CHD9: variants seen among roughly 807,000 people sequenced by gnomAD.
The protein encoded by CHD9 is chromodomain helicase DNA binding protein 9.
A neutral mutation model predicts 316.1 loss-of-function variants in CHD9; 77 were observed. The observed-to-expected ratio is 0.24, with a 90% CI of 0.20 to 0.29. CHD9 has a LOEUF of 0.29. CHD9 is among the 10% of genes least tolerant of loss of function. The pLI is 1.00. For synonymous variants in CHD9, 1,129 were observed against 1,158.3 expected (o/e 0.97, Z 0.51); for missense variants, 2,763 against 3,438.1 (o/e 0.80, Z 4.91).
intron 34 of CHD9, among the ~76,000 whole-genome samples, chr16:53,312,943 C>G (rs2056589713): frequency 6.6e-6 from 1 of 152,108 alleles, no homozygotes; most frequent in African/African-American, 2.4e-5. Context: ...AGCATCTCAC[C>G]TTTAATAATA....
chr16:53,233,302 A>T (rs1327548420), intron 10 of CHD9, among the ~76,000 whole-genome samples: 2 of 152,190 alleles, frequency 1.3e-5, no homozygotes, highest in African/African-American at 2.4e-5. Flanking sequence ...TTACCGGTTT[A>T]TTCCTAAGGA....
intron 2 of CHD9, among the ~76,000 whole-genome samples, chr16:53,182,005 G>A (rs2043566612): frequency 6.6e-6 from 1 of 152,078 alleles, no homozygotes. Flanking sequence ...CTTGAACCTG[G>A]GAGACAGAGG....
intron 10 of CHD9, among the ~76,000 whole-genome samples, chr16:53,234,191 T>C (rs1190480666): frequency 6.6e-6 from 1 of 152,234 alleles, no homozygotes; most frequent in Non-Finnish European, 1.5e-5. Flanking sequence ...GTTTGCACAT[T>C]GATCTTGTAT....
chr16:53,198,769 G>A (rs2045178438), intron 2 of CHD9, among the ~76,000 whole-genome samples: 1 of 152,152 alleles, frequency 6.6e-6, no homozygotes, highest in Non-Finnish European at 1.5e-5. Flanking sequence ...TGTTAAAAAT[G>A]TATGTAGGAA....
intron 1 of CHD9, among the ~76,000 whole-genome samples, chr16:53,134,144 T>A (rs561806491): frequency 2.1e-4 from 32 of 152,220 alleles, no homozygotes; most frequent in African/African-American, 7.7e-4. Flanking sequence ...CATCGGGTAA[T>A]GAGTGAATAA....
intron 1 of CHD9, among the ~76,000 whole-genome samples, chr16:53,063,153 A>C (rs1216090144): frequency 6.6e-6 from 1 of 152,126 alleles, no homozygotes; most frequent in Non-Finnish European, 1.5e-5. Flanking sequence ...CAAATCATTC[A>C]ATTAATCCTC....
At chr16:53,179,189 A>G (rs933421619) in intron 2 of CHD9, among the ~76,000 whole-genome samples, 12 of 152,206 alleles carry the variant, frequency 7.9e-5, no homozygotes, top group Non-Finnish European at 1.5e-4. Flanking sequence ...ACCTCTAACT[A>G]TTTTATTAGA....
intron 1 of CHD9, among the ~76,000 whole-genome samples, chr16:53,055,606 T>G (rs2031990578): frequency 6.6e-6 from 1 of 152,042 alleles, no homozygotes; most frequent in African/African-American, 2.4e-5. Flanking sequence ...ACCCTTGATC[T>G]AAGGAGTTGG....
At chr16:53,317,425 T>C (rs917333068) in intron 36 of CHD9, among the ~76,000 whole-genome samples, 2 of 152,218 alleles carry the variant, frequency 1.3e-5, no homozygotes, top group African/African-American at 2.4e-5. Context: ...TTAATAGTTG[T>C]ATAGAGAAGT....
intron 1 of CHD9, among the ~76,000 whole-genome samples, chr16:53,154,793 C>T (rs985816828): frequency 4.6e-5 from 7 of 152,184 alleles, no homozygotes; most frequent in Non-Finnish European, 1.0e-4. Context: ...ACAGGCCACG[C>T]ACCCATTCCA....
At chr16:53,170,479 C>A (rs2042623703) in intron 2 of CHD9, among the ~76,000 whole-genome samples, 1 of 151,760 alleles carries the variant, frequency 6.6e-6, no homozygotes, top group South Asian at 2.1e-4. Context: ...TTGTAATTAC[C>A]CTGCCTTAGA....
chr16:53,149,257 G>A (rs532411309), intron 1 of CHD9, among the ~76,000 whole-genome samples: 96 of 152,272 alleles, frequency 6.3e-4, no homozygotes, highest in African/African-American at 2.3e-3. Flanking sequence ...GTCTGTATAT[G>A]TGTGTTAGGT....
intron 18 of CHD9, among the ~76,000 whole-genome samples, chr16:53,255,323 T>G (rs1054915610): frequency 2.2e-4 from 33 of 151,864 alleles, no homozygotes; most frequent in African/African-American, 3.4e-4. Context: ...AGAAAAAAAA[T>G]AAAAAATAAA....
rs994264257 is a variant in CHD9 at position 53,212,273 on chromosome 16, TG to T, written c.1784+2463del. ...AAACAAAATTAGCCAGGCGTGGTGG[TG>T]GGCACCTGTAGTGCCAGCTACTCGG... On this transcript the variant is annotated intron_variant, in intron 3 of 38. Transcript: ENST00000447540. 1.8e-3 allele frequency among the ~76,000 whole-genome samples: 271 copies of T among 151,740 alleles called. 1 individual carries two copies. Among genetic ancestry groups the T allele is most frequent in the African/African-American group, 6.3e-3 (262 of 41,370 alleles).
At chr16:53,203,585 AAG>A (rs1423574690) in intron 2 of CHD9, among the ~76,000 whole-genome samples, 1 of 152,174 alleles carries the variant, frequency 6.6e-6, no homozygotes, top group Non-Finnish European at 1.5e-5. Context: ...CCTAAAGCCT[AAG>A]AGTCTTCCTC....
At chr16:53,086,970 C>A (rs1159141983) in intron 1 of CHD9, among the ~76,000 whole-genome samples, 1 of 152,164 alleles carries the variant, frequency 6.6e-6, no homozygotes. Flanking sequence ...CTTTTCCCTT[C>A]CAGGGGGCCA....
At chr16:53,172,750 T>C (rs932561815) in intron 2 of CHD9, among the ~76,000 whole-genome samples, 1 of 152,218 alleles carries the variant, frequency 6.6e-6, no homozygotes, top group Admixed American at 6.5e-5. Context: ...ATTGTGGTTT[T>C]AATTTGTATT....
intron 37 of CHD9, chr16:53,320,053 G>A (rs1276294341): frequency 2.0e-5 from 4 of 204,364 alleles, no homozygotes; most frequent in African/African-American, 7.1e-5. Flanking sequence ...GTGCACACCT[G>A]TAGTCCTAGC....
intron 1 of CHD9, among the ~76,000 whole-genome samples, chr16:53,109,022 A>C (rs2037615262): frequency 6.6e-6 from 1 of 152,322 alleles, no homozygotes; most frequent in Non-Finnish European, 1.5e-5. Context: ...GGGATAACTG[A>C]TCTTGGGATG....
Sources: gnomAD v4.1 joint callset for allele counts (sites outside exome capture counted in the v4.1 genomes callset) on GRCh38, gnomAD v4.1.1 for gene constraint, MANE v1.5 for transcripts, NCBI Gene and HGNC (gene_info 2026-07-23, HGNC 2026-07-21) for gene names.